The following PPARD variants were observed in gnomAD, a reference collection of about 807,000 sequenced individuals.
PPARD encodes peroxisome proliferator activated receptor delta, also known as peroxisome proliferator-activated receptor delta.
A neutral mutation model predicts 39.5 loss-of-function variants in PPARD; 6 were observed. That is an observed-to-expected ratio of 0.15 (90% CI 0.08 to 0.30). The LOEUF is 0.30. PPARD is among the 10% of genes least tolerant of loss of function. The probability of loss-of-function intolerance (pLI) is 1.00; values close to 1 mark genes in which losing one functional copy is unlikely to be tolerated. For missense variants in PPARD, 397 were observed against 596.8 expected (o/e 0.67, Z 3.49); for synonymous variants, 210 against 231.3 (o/e 0.91, Z 0.83).
At position 35,363,073 on chromosome 6, in the gene PPARD, C is replaced by T. The variant is rs116936094; in HGVS notation, c.-102+15923C>T. On this transcript the variant is annotated intron_variant, in intron 2 of 7. Transcript: ENST00000360694. The surrounding 1 kb of genome is among the most constrained non-coding windows in gnomAD (Gnocchi z 4.5). ...ATGCATCAGTAACTCAGATTCCGTT[C>T]CAGAAACGCATCTCAAAGCAAGGGA... Among the ~76,000 whole-genome samples, 98 of 152,294 alleles carry T rather than the reference C, an allele frequency of 6.4e-4. No individual in the cohort carries two copies. The East Asian group carries it at 0.015, about 23-fold the overall frequency.
intron 2 of PPARD, among the ~76,000 whole-genome samples, chr6:35,353,990 T>C (rs897362420): frequency 6.6e-6 from 1 of 152,112 alleles, no homozygotes; most frequent in Admixed American, 6.6e-5. Flanking sequence ...CTCAGCACTT[T>C]GGGAGGCCGA....
chr6:35,357,711 A>G (rs1050912973), intron 2 of PPARD, among the ~76,000 whole-genome samples: 4 of 151,964 alleles, frequency 2.6e-5, no homozygotes, highest in African/African-American at 9.7e-5. Flanking sequence ...TAATTTTTGT[A>G]TTTTTAGTAG....
rs1412816095 is a variant in PPARD at position 35,363,389 on chromosome 6, C to T, written c.-102+16239C>T. Among the ~76,000 whole-genome samples, 3 of 152,136 alleles carry T rather than the reference C, an allele frequency of 2.0e-5. No individual in the cohort carries two copies. Among genetic ancestry groups the T allele is most frequent in the Admixed American group, 6.5e-5 (1 of 15,276 alleles). ...TGGTGAGACCCACTGGCTTCCTGTA[C>T]GTCCCCTCAAAGCCTGCGCCACCGC... On this transcript the variant is annotated intron_variant, in intron 2 of 7. Transcript: ENST00000360694. The surrounding 1 kb of genome is among the most constrained non-coding windows in gnomAD (Gnocchi z 4.5).
Position 35,424,559 on chromosome 6 carries a change from G to A in PPARD, c.858G>A (p.Val286=), listed in dbSNP as rs1766441067. The stretch of plus-strand genomic sequence containing the variant: ...AGGTTACCCTTCTCAAGTATGGCGT[G>A]CACGAGGCCATCTTCGCCATGCTGG... The part of the protein sequence containing the change: ...NDQVTLLKYG[V]HEAIFAMLAS... The change falls in exon 7 of 8, where the codon GTG becomes GTA. Residue 286 remains valine (V), a synonymous_variant. Coordinates refer to ENST00000360694, the MANE Select transcript of PPARD (RefSeq NM_006238.5). The surrounding 1 kb of genome is among the most constrained non-coding windows in gnomAD (Gnocchi z 7.1). 4.3e-6 allele frequency: 7 copies of A among 1,614,260 alleles called. No homozygotes were observed. The South Asian group carries it at 4.4e-5, about 10-fold the overall frequency.
At chr6:35,408,490 C>G (rs945536316) in intron 2 of PPARD, among the ~76,000 whole-genome samples, 1 of 152,208 alleles carries the variant, frequency 6.6e-6, no homozygotes, top group Non-Finnish European at 1.5e-5. Context: ...TGCTCTGGGT[C>G]TGGTGCTTCT....
chr6:35,384,018 G>A (rs1377427001), intron 2 of PPARD, among the ~76,000 whole-genome samples: 7 of 146,656 alleles, frequency 4.8e-5, no homozygotes, highest in African/African-American at 2.7e-5. Context: ...CCCGCCAGCC[G>A]CCCCGTCAGG....
chr6:35,411,892 A>G (rs1765453197), intron 3 of PPARD, among the ~76,000 whole-genome samples: 1 of 152,068 alleles, frequency 6.6e-6, no homozygotes, highest in South Asian at 2.1e-4. Flanking sequence ...GAATCCATGC[A>G]GCCCCTGGCT....
chr6:35,364,881 T>C (rs1421471018), intron 2 of PPARD, among the ~76,000 whole-genome samples: 1 of 151,582 alleles, frequency 6.6e-6, no homozygotes, highest in Non-Finnish European at 1.5e-5. Flanking sequence ...AGCTAATTTT[T>C]TGTATTTTTA....
chr6:35,405,057 TC>T (rs1244053481), intron 2 of PPARD, among the ~76,000 whole-genome samples: 1 of 151,788 alleles, frequency 6.6e-6, no homozygotes, highest in African/African-American at 2.4e-5. Context: ...TTGCAAGAAA[TC>T]CTTTTATTTT....
At chr6:35,349,962 G>A (rs147339091) in intron 2 of PPARD, among the ~76,000 whole-genome samples, 6,225 of 152,024 alleles carry the variant, frequency 0.041, 447 homozygotes, top group African/African-American at 0.14. Flanking sequence ...GGCTGGTCTC[G>A]AACTCCTGAC....
intron 2 of PPARD, among the ~76,000 whole-genome samples, chr6:35,397,299 AC>A (rs1158283229): frequency 6.6e-6 from 1 of 151,696 alleles, no homozygotes; most frequent in Non-Finnish European, 1.5e-5. Context: ...AGGAAGAAGC[AC>A]CAGTGCTGCC....
chr6:35,426,155 G>A lies in PPARD; in HGVS notation c.*76G>A. ...GGCCCACCCACATGACTTTTCCATTGACCAGCCCTTGAGCACCCGGCCTGG... is the reference window on the plus strand; with the variant it reads ...GGCCCACCCACATGACTTTTCCATTAACCAGCCCTTGAGCACCCGGCCTGG... On this transcript the variant is annotated 3_prime_UTR_variant, in exon 8 of 8. Transcript: ENST00000360694. 2.6e-6 allele frequency: 4 copies of A among 1,550,716 alleles called. No individual in the cohort carries two copies. Among genetic ancestry groups the A allele is most frequent in the Non-Finnish European group, 3.5e-6 (4 of 1,153,222 alleles).
rs1765474565 is a variant in PPARD, at chr6:35,412,193, A to T, written c.130+976A>T. Among the ~76,000 whole-genome samples, 1 of 152,012 alleles carries T rather than the reference A, an allele frequency of 6.6e-6. No homozygotes were observed. The highest frequency in any genetic ancestry group is 2.1e-4 in the South Asian group (1 of 4,824). On this transcript the variant is annotated intron_variant, in intron 3 of 7. Coordinates refer to ENST00000360694, the MANE Select transcript of PPARD (RefSeq NM_006238.5). The surrounding 1 kb of genome is among the most constrained non-coding windows in gnomAD (Gnocchi z 4.1). ...CAATCCACCCACCTCAGCCTCCCAA[A>T]GTGCTGGGATTACAAGCAGGAGCCA...
At chr6:35,369,451 C>T (rs761221086) in intron 2 of PPARD, among the ~76,000 whole-genome samples, 2 of 152,148 alleles carry the variant, frequency 1.3e-5, no homozygotes, top group African/African-American at 2.4e-5. Flanking sequence ...CGTGCATTCC[C>T]GCCTCGATGC....
At chr6:35,423,336 C>G (rs950577606) in intron 5 of PPARD, among the ~76,000 whole-genome samples, 1 of 151,814 alleles carries the variant, frequency 6.6e-6, no homozygotes, top group Admixed American at 6.6e-5. Context: ...CAAGACCAGC[C>G]TGGCCAAGAT....
rs200192364 is a variant in PPARD, at chr6:35,424,343, C to T, written c.642C>T (p.His214=). The change falls in exon 7 of 8, where the codon CAC becomes CAT. Residue 214 remains histidine, a synonymous_variant. Transcript: ENST00000360694. This position sits in a 1 kb window ranked among gnomAD's most constrained non-coding sequence, Gnocchi z 7.1. The part of the protein sequence containing the change: ...KASHTAPFVI[H]DIETLWQAEK... ...CTGGTTTTCAGCCCTTTGTGATCCA[C>T]GACATCGAGACATTGTGGCAGGCAG... 1.8e-5 allele frequency: 29 copies of T among 1,611,536 alleles called. No individual in the cohort carries two copies. In the East Asian group the frequency reaches 3.8e-4, roughly 21 times the overall value.
At chr6:35,351,617 G>C (rs1461275215) in intron 2 of PPARD, among the ~76,000 whole-genome samples, 2 of 151,766 alleles carry the variant, frequency 1.3e-5, no homozygotes, top group Non-Finnish European at 2.9e-5. Flanking sequence ...CAGTGGTGCA[G>C]TCATAGCTCA....
chr6:35,407,152 G>T (rs1295951973), intron 2 of PPARD, among the ~76,000 whole-genome samples: 1 of 152,180 alleles, frequency 6.6e-6, no homozygotes. Flanking sequence ...GTGTTGTCAA[G>T]TATATATACC....
chr6:35,372,712 G>A (rs1417862466), intron 2 of PPARD, among the ~76,000 whole-genome samples: 1 of 152,188 alleles, frequency 6.6e-6, no homozygotes, highest in Non-Finnish European at 1.5e-5. Flanking sequence ...GTGGAATTAT[G>A]CCTATATGAG....
Sources: allele counts gnomAD v4.1 joint callset (sites outside exome capture counted in the v4.1 genomes callset), GRCh38; gene constraint gnomAD v4.1.1; non-coding constraint Gnocchi (gnomAD v3.1); transcripts MANE v1.5; gene names NCBI Gene and HGNC (gene_info 2026-07-23, HGNC 2026-07-21).